RUNX1T1: variants seen among roughly 807,000 people sequenced by gnomAD.
RUNX1T1 encodes RUNX1 partner transcriptional co-repressor 1.
In RUNX1T1, 4 loss-of-function variants were observed where a neutral mutation model predicts 62.8. The ratio of observed to expected loss-of-function variants is 0.06; its 90% CI spans 0.03 to 0.15. The LOEUF is 0.15. Ranked by LOEUF, RUNX1T1 falls within the 10% of genes least tolerant of loss-of-function variation. The probability of loss-of-function intolerance (pLI) is 1.00; values close to 1 mark genes in which losing one functional copy is unlikely to be tolerated. For missense variants in RUNX1T1, 508 were observed against 754.3 expected (o/e 0.67, Z 3.82); for synonymous variants, 291 against 286.0 (o/e 1.02, Z -0.18).
intron 1 of RUNX1T1, among the ~76,000 whole-genome samples, chr8:92,027,806 C>T (rs959435886): frequency 6.6e-6 from 1 of 151,796 alleles, no homozygotes; most frequent in Non-Finnish European, 1.5e-5. Flanking sequence ...CTATGGCAAT[C>T]GATTACTATT....
At chr8:91,959,514 ATG>A in exon 11 of RUNX1T1, 1 of 187,650 alleles carries the variant, frequency 5.3e-6, no homozygotes, top group Non-Finnish European at 1.1e-5. Flanking sequence ...ATATATATAT[ATG>A]GAGCCTTTTG....
intron 1 of RUNX1T1, among the ~76,000 whole-genome samples, chr8:92,053,817 T>C (rs912239005): frequency 2.0e-5 from 3 of 152,196 alleles, no homozygotes; most frequent in Admixed American, 6.5e-5. Context: ...GCATACTCTA[T>C]GCCAGGCTCA....
At chr8:92,103,335 T>C (rs1318548200), upstream of RUNX1T1, 1 of 189,230 alleles carries the variant, frequency 5.3e-6, no homozygotes, top group Non-Finnish European at 1.1e-5. Flanking sequence ...CGGCCGGGCG[T>C]CCGCCGGGGA....
chr8:92,055,377 A>C (rs1830872822), intron 1 of RUNX1T1, among the ~76,000 whole-genome samples: 1 of 152,206 alleles, frequency 6.6e-6, no homozygotes, highest in Admixed American at 6.5e-5. Context: ...CAAAATAGAA[A>C]ACATTTTGAA....
intron 1 of RUNX1T1, among the ~76,000 whole-genome samples, chr8:92,057,091 T>G (rs1020796555): frequency 6.6e-6 from 1 of 152,208 alleles, no homozygotes; most frequent in Non-Finnish European, 1.5e-5. Context: ...TCAAGAGGAA[T>G]AGTAATACAC....
intron 3 of RUNX1T1, 73 bp downstream of exon 4, chr8:92,014,506 G>A: frequency 2.2e-6 from 3 of 1,351,198 alleles, no homozygotes; most frequent in Non-Finnish European, 3.0e-6. Context: ...CGAGAACGGT[G>A]TCTACATGTC....
chr8:92,017,835 C>T (rs1213933877), intron 1 of RUNX1T1, among the ~76,000 whole-genome samples: 1 of 152,156 alleles, frequency 6.6e-6, no homozygotes, highest in East Asian at 1.9e-4. Flanking sequence ...CCTGTGCTGT[C>T]CTTAGTTTTC....
chr8:92,090,133 T>C (rs761188653), intron 1 of RUNX1T1, among the ~76,000 whole-genome samples: 2 of 150,800 alleles, frequency 1.3e-5, no homozygotes, highest in Non-Finnish European at 2.9e-5. Flanking sequence ...GTGATTGAAC[T>C]GGAAAGGGAA....
chr8:91,993,325 C>G (rs1391137912), intron 5 of RUNX1T1, among the ~76,000 whole-genome samples: 1 of 151,924 alleles, frequency 6.6e-6, no homozygotes, highest in African/African-American at 2.4e-5. Context: ...GGTGGGCGCC[C>G]CAGTGACAAT....
intron 3 of RUNX1T1, among the ~76,000 whole-genome samples, chr8:92,013,176 A>G (rs745590080): frequency 1.3e-5 from 2 of 152,224 alleles, no homozygotes; most frequent in Non-Finnish European, 2.9e-5. Flanking sequence ...ATGTTAAAAA[A>G]GCTTATTATG....
chr8:92,073,306 G>A (rs559569287), intron 2 of RUNX1T1, among the ~76,000 whole-genome samples: 9 of 152,196 alleles, frequency 5.9e-5, no homozygotes, highest in Admixed American at 4.6e-4. Context: ...ACACAACAGC[G>A]TTCTCATTTT....
intron 1 of RUNX1T1, among the ~76,000 whole-genome samples, chr8:92,018,926 A>T (rs1038404851): frequency 6.6e-6 from 1 of 152,214 alleles, no homozygotes; most frequent in East Asian, 1.9e-4. Flanking sequence ...ATAACAACGG[A>T]TGTCCCTATA....
At chr8:92,044,672 C>A (rs1829069300) in intron 1 of RUNX1T1, among the ~76,000 whole-genome samples, 1 of 152,212 alleles carries the variant, frequency 6.6e-6, no homozygotes, top group African/African-American at 2.4e-5. Flanking sequence ...CCACTACTGC[C>A]TTTCACCAAC....
At chr8:92,040,819 C>A (rs1482643953) in intron 1 of RUNX1T1, among the ~76,000 whole-genome samples, 1 of 152,072 alleles carries the variant, frequency 6.6e-6, no homozygotes, top group Non-Finnish European at 1.5e-5. Flanking sequence ...GCAGGAGGAT[C>A]ACTTGTGCCC....
chr8:92,008,413 C>G (rs1821290480), intron 4 of RUNX1T1, among the ~76,000 whole-genome samples: 1 of 151,514 alleles, frequency 6.6e-6, no homozygotes, highest in African/African-American at 2.4e-5. Context: ...CACACACACA[C>G]ACACACACAC....
intron 1 of RUNX1T1, among the ~76,000 whole-genome samples, chr8:92,080,722 A>G (rs1186813428): frequency 6.6e-6 from 1 of 152,246 alleles, no homozygotes; most frequent in Non-Finnish European, 1.5e-5. Flanking sequence ...TGCCTAGCAC[A>G]GTGCCTGGCA....
Position 92,075,950 on chromosome 8 carries a change from T to G in RUNX1T1, c.88+15A>C. On this transcript the variant is annotated intron_variant, in intron 2 of 11. Transcript: ENST00000265814. ...TAAGTAAATTGCAAAATCAAAATAT[T>G]TGTCTGTTCCTTACCTTGACAATAT... The G allele has an allele frequency of 6.3e-7, 1 of 1,591,036 alleles. No homozygotes were observed. The highest frequency in any genetic ancestry group is 8.5e-7 in the Non-Finnish European group (1 of 1,172,962).
At chr8:92,016,821 G>A (rs941748099) in intron 2 of RUNX1T1, among the ~76,000 whole-genome samples, 2 of 152,196 alleles carry the variant, frequency 1.3e-5, no homozygotes. Context: ...GATGAAAATG[G>A]TGTTAGAAGA....
chr8:91,959,536 A>G (rs1366045212), exon 11 of RUNX1T1: 1 of 169,342 alleles, frequency 5.9e-6, no homozygotes, highest in Admixed American at 7.6e-5. Flanking sequence ...GTATTATGGC[A>G]TTTTTTTTTC....
Sources: gnomAD v4.1 joint callset for allele counts (sites outside exome capture counted in the v4.1 genomes callset) on GRCh38, gnomAD v4.1.1 for gene constraint, MANE v1.5 for transcripts, NCBI Gene and HGNC (gene_info 2026-07-23, HGNC 2026-07-21) for gene names.